Variants in PEAK1 observed in about 807,000 individuals in gnomAD.
The protein encoded by PEAK1 is pseudopodium enriched atypical kinase 1, also known as inactive tyrosine-protein kinase PEAK1.
PEAK1 carries 54 observed loss-of-function variants against 124.7 expected under a neutral mutation model. The observed-to-expected ratio is 0.43, with a 90% confidence interval of 0.35 to 0.54. The LOEUF is 0.54. Ranked by LOEUF, PEAK1 falls within the 20% of genes least tolerant of loss-of-function variation. PEAK1 has a pLI of 0.01. For missense variants in PEAK1, 2,046 were observed against 2,134.5 expected, an observed-to-expected ratio of 0.96 and a Z score of 0.82; for synonymous variants, 719 against 760.0, an observed-to-expected ratio of 0.95 and a Z score of 0.89.
At chr15:77,210,489 C>T (rs2058854014) in intron 6 of PEAK1, among the ~76,000 whole-genome samples, 1 of 152,190 alleles carries the variant, frequency 6.6e-6, no homozygotes, top group Non-Finnish European at 1.5e-5. Flanking sequence ...CCATATCCTT[C>T]AGGAAAAAGT....
chr15:77,179,489 G>A lies in PEAK1; in HGVS notation c.2438C>T (p.Thr813Met), dbSNP rs371661687. The A allele has an allele frequency of 2.7e-5, 43 of 1,613,960 alleles. No homozygotes were observed. Among genetic ancestry groups the A allele is most frequent in the East Asian group, 4.5e-5 (2 of 44,900 alleles). ...AAAGAGAGATTTGGGCCGGACTGGC[G>A]TACTCTTAGGTGTGCTCTTAGCAAC... ...ADVAKSTPKS[T>M]PVRPKSLFTS... is the part of the protein sequence containing the mutation. The change falls in exon 7 of 10, where the codon ACG becomes ATG. Residue 813 changes from threonine to methionine, a missense_variant. Thr to Met is a moderately conservative substitution (Grantham distance 81). Coordinates refer to ENST00000682557, the MANE Select transcript of PEAK1 (RefSeq NM_001385026.1).
rs375154908 is a variant in PEAK1 at position 77,205,268 on chromosome 15, CT to C, written c.-114-23229del. ...CCATTTTTTTTTTAAGATCAAATGC[CT>C]TTTTTTAAAAAAAAAAAAAAAGAAG... On this transcript the variant is annotated intron_variant, in intron 6 of 9. Transcript: ENST00000682557. Among the ~76,000 whole-genome samples, 468 of 126,452 alleles carry C rather than the reference CT, an allele frequency of 3.7e-3. 5 individuals carry two copies. Among genetic ancestry groups the C allele is most frequent in the African/African-American group, 9.4e-3 (342 of 36,238 alleles). The allele number at this position is 126,452 out of a possible 152,430, so 83.0% of individuals were successfully genotyped here.
chr15:77,394,931 A>C lies in PEAK1; in HGVS notation c.-666+25075T>G, dbSNP rs576874693. Among the ~76,000 whole-genome samples, 10 of 152,370 alleles carry C rather than the reference A, an allele frequency of 6.6e-5. No homozygotes were observed. In the South Asian group the frequency reaches 2.1e-3, roughly 32 times the overall value. On this transcript the variant is annotated intron_variant, in intron 1 of 9. Coordinates refer to ENST00000682557, the MANE Select transcript of PEAK1 (RefSeq NM_001385026.1). ...ATTCTCCATGATGTGACTATTACTCATTCTATGCCTGTATCAAAACATTTA... is the reference window on the plus strand; with the variant it reads ...ATTCTCCATGATGTGACTATTACTCCTTCTATGCCTGTATCAAAACATTTA...
rs760377898 is a variant in PEAK1 at position 77,180,534 on chromosome 15, C to T, written c.1393G>A (p.Val465Met). The stretch of plus-strand genomic sequence containing the variant: ...TTGCACAATGGCTGTTCCAGGTTCA[C>T]AACTCGGTAAGGTTTTGCTTGCTCT... The part of the protein sequence containing the change: ...TEEQAKPYRV[V>M]NLEQPLCKPY... The change falls in exon 7 of 10, where the codon GTG becomes ATG. Residue 465 changes from valine (V) to methionine (M), a missense_variant. By Grantham distance (21) the Val-to-Met change is conservative. Coordinates refer to ENST00000682557, the MANE Select transcript of PEAK1 (RefSeq NM_001385026.1). 1.9e-6 allele frequency: 3 copies of T among 1,614,142 alleles called. No homozygotes were observed. Among genetic ancestry groups the T allele is most frequent in the East Asian group, 2.2e-5 (1 of 44,880 alleles).
chr15:77,264,667 T>C (rs1157583903), intron 5 of PEAK1, among the ~76,000 whole-genome samples: 2 of 152,018 alleles, frequency 1.3e-5, no homozygotes, highest in Non-Finnish European at 2.9e-5. Context: ...ATCGTGAAAA[T>C]GGCCATACTG....
At chr15:77,376,953 T>C (rs2141757872) in intron 1 of PEAK1, among the ~76,000 whole-genome samples, 1 of 152,354 alleles carries the variant, frequency 6.6e-6, no homozygotes, top group East Asian at 1.9e-4. Context: ...GTAGACTGTA[T>C]TTACACAAAC....
intron 2 of PEAK1, among the ~76,000 whole-genome samples, chr15:77,296,404 G>A (rs1051578767): frequency 1.3e-5 from 2 of 151,828 alleles, no homozygotes; most frequent in African/African-American, 2.4e-5. Context: ...TTGAGGTGAG[G>A]AGTTCGAGAG....
At chr15:77,241,513 T>C (rs1227863222) in intron 6 of PEAK1, among the ~76,000 whole-genome samples, 3 of 151,974 alleles carry the variant, frequency 2.0e-5, no homozygotes, top group East Asian at 1.9e-4. Context: ...GCATATATAT[T>C]GGAAAGGAAA....
chr15:77,149,626 C>T (rs2054431123), intron 8 of PEAK1, among the ~76,000 whole-genome samples: 2 of 152,176 alleles, frequency 1.3e-5, no homozygotes, highest in African/African-American at 4.8e-5. Flanking sequence ...TAGCTTAGAA[C>T]TATTGGAGTC....
intron 1 of PEAK1, among the ~76,000 whole-genome samples, chr15:77,398,939 A>G (rs937666049): frequency 3.3e-5 from 5 of 152,210 alleles, no homozygotes; most frequent in African/African-American, 1.2e-4. Context: ...AACATACAAA[A>G]AAAAGTAGCA....
intron 2 of PEAK1, chr15:77,350,942 A>G (rs2067171367): frequency 1.0e-6 from 1 of 985,124 alleles, no homozygotes; most frequent in South Asian, 4.7e-5. Context: ...CATGTAAAGC[A>G]CTCCATTAAT....
At chr15:77,397,582 A>G (rs899281349) in intron 1 of PEAK1, among the ~76,000 whole-genome samples, 4 of 152,096 alleles carry the variant, frequency 2.6e-5, no homozygotes, top group African/African-American at 7.2e-5. Flanking sequence ...AATAAATAAA[A>G]TAAAAGATGA....
intron 9 of PEAK1, 137 bp downstream of exon 9, chr15:77,132,868 G>A (rs766740320): frequency 1.3e-6 from 1 of 786,554 alleles, no homozygotes. Context: ...GCTTAATCTA[G>A]TATCTGGTAA....
At chr15:77,301,804 A>G (rs1373801520) in intron 2 of PEAK1, among the ~76,000 whole-genome samples, 1 of 152,164 alleles carries the variant, frequency 6.6e-6, no homozygotes, top group Non-Finnish European at 1.5e-5. Flanking sequence ...CACTCCATTG[A>G]GGGTGGAATG....
At chr15:77,296,281 C>A (rs983612384) in intron 2 of PEAK1, among the ~76,000 whole-genome samples, 2 of 151,694 alleles carry the variant, frequency 1.3e-5, no homozygotes, top group Non-Finnish European at 2.9e-5. Context: ...ATTACATATG[C>A]CCTGAAATTA....
At chr15:77,289,473 C>T (rs2063102075) in intron 2 of PEAK1, among the ~76,000 whole-genome samples, 1 of 152,128 alleles carries the variant, frequency 6.6e-6, no homozygotes, top group Admixed American at 6.6e-5. Flanking sequence ...ATGTTAAATT[C>T]ACAGAGGATT....
At chr15:77,417,850 GC>G in intron 1 of PEAK1, 1 of 985,378 alleles carries the variant, frequency 1.0e-6, no homozygotes, top group Non-Finnish European at 1.2e-6. Context: ...TATAGCTGAT[GC>G]TTATTTGGCA....
chr15:77,313,726 G>GTATATATATATA (rs1555478191), intron 2 of PEAK1, among the ~76,000 whole-genome samples: 4 of 108,568 alleles, frequency 3.7e-5, no homozygotes, highest in African/African-American at 1.0e-4. Flanking sequence ...GTGTGTGTGT[G>GTATATATATATA]TATATATATA....
At chr15:77,161,041 C>T (rs1484481689) in intron 7 of PEAK1, among the ~76,000 whole-genome samples, 1 of 152,230 alleles carries the variant, frequency 6.6e-6, no homozygotes, top group African/African-American at 2.4e-5. Context: ...GTACATATAA[C>T]ACAGCTCTGT....
Sources: allele counts gnomAD v4.1 joint callset (sites outside exome capture counted in the v4.1 genomes callset), GRCh38; gene constraint gnomAD v4.1.1; transcripts MANE v1.5; gene names NCBI Gene and HGNC (gene_info 2026-07-23, HGNC 2026-07-21).